The following ADCYAP1R1 variants were observed in gnomAD, a reference collection of about 807,000 sequenced individuals.
The protein encoded by ADCYAP1R1 is pituitary adenylate cyclase-activating polypeptide type I receptor.
ADCYAP1R1 carries 44 observed loss-of-function variants against 67.6 expected under a neutral mutation model. The observed-to-expected ratio is 0.65, with a 90% CI of 0.51 to 0.84. ADCYAP1R1 has a LOEUF of 0.84. Among genes scored for constraint, ADCYAP1R1 ranks in the 40% least tolerant of loss-of-function variants. The probability of loss-of-function intolerance (pLI) is 0.00; values close to 1 mark genes in which losing one functional copy is unlikely to be tolerated. For missense variants in ADCYAP1R1, 477 were observed against 587.9 expected, an observed-to-expected ratio of 0.81 and a Z score of 1.95; for synonymous variants, 222 against 219.6, an observed-to-expected ratio of 1.01 and a Z score of -0.10.
chr7:31,078,075 T>A lies in ADCYAP1R1; in HGVS notation c.242T>A (p.Phe81Tyr). 1.2e-6 allele frequency: 2 copies of A among 1,612,688 alleles called. No homozygotes were observed. Among genetic ancestry groups the A allele is most frequent in the Non-Finnish European group, 1.7e-6 (2 of 1,179,268 alleles). Residue 81 changes from phenylalanine to tyrosine, a missense_variant, in exon 4 of 16, where the codon TTC becomes TAC. Transcript: ENST00000304166. ...GTCCTGGTCAGCTGCCCTGAGCTCT[T>A]CCGAATCTTCAACCCAGACCAAGGT... ...EMVLVSCPEL[F>Y]RIFNPDQVWE...
At chr7:31,075,353 C>A (rs1288024487) in intron 3 of ADCYAP1R1, among the ~76,000 whole-genome samples, 1 of 152,178 alleles carries the variant, frequency 6.6e-6, no homozygotes, top group Non-Finnish European at 1.5e-5. Flanking sequence ...TGTCGGTCAC[C>A]TACTGTCCCT....
chr7:31,097,443 C>T (rs1195944219), intron 13 of ADCYAP1R1, among the ~76,000 whole-genome samples: 1 of 152,152 alleles, frequency 6.6e-6, no homozygotes, highest in Non-Finnish European at 1.5e-5. Context: ...TTTTCTTTTC[C>T]ATGAGTCCTT....
chr7:31,097,580 A>G (rs1470693753), intron 13 of ADCYAP1R1, among the ~76,000 whole-genome samples: 1 of 152,196 alleles, frequency 6.6e-6, no homozygotes, highest in East Asian at 1.9e-4. Flanking sequence ...CATCAGAGCC[A>G]CACAACTTTA....
At chr7:31,097,158 G>C (rs899970973) in intron 13 of ADCYAP1R1, among the ~76,000 whole-genome samples, 4 of 152,360 alleles carry the variant, frequency 2.6e-5, no homozygotes, top group African/African-American at 9.6e-5. Flanking sequence ...CTCTCTGAAA[G>C]GCAGACGTGG....
intron 13 of ADCYAP1R1, among the ~76,000 whole-genome samples, chr7:31,097,152 C>T (rs1430108475): frequency 6.6e-6 from 1 of 152,238 alleles, no homozygotes; most frequent in Non-Finnish European, 1.5e-5. Context: ...CCAAGGCTCT[C>T]TGAAAGGCAG....
rs1238419619 is a variant in ADCYAP1R1 at position 31,061,968 on chromosome 7, T to C, written c.-71-1226T>C. Among the ~76,000 whole-genome samples, 3 of 152,198 alleles carry C rather than the reference T, an allele frequency of 2.0e-5. No individual in the cohort carries two copies. In the East Asian group the frequency reaches 5.8e-4, roughly 29 times the overall value. On this transcript the variant is annotated intron_variant, in intron 1 of 15. Transcript: ENST00000304166. ...GCCTACTCAATCTCTTTTATAATAATTTAATAGTAATAATAATTTTTAAAT... is the reference window on the plus strand; with the variant it reads ...GCCTACTCAATCTCTTTTATAATAACTTAATAGTAATAATAATTTTTAAAT...
intron 13 of ADCYAP1R1, among the ~76,000 whole-genome samples, chr7:31,099,092 T>TG (rs2128638267): frequency 6.6e-6 from 1 of 152,314 alleles, no homozygotes; most frequent in African/African-American, 2.4e-5. Context: ...CACTGTGGGC[T>TG]GGAGACACAG....
chr7:31,094,357 C>T (rs1463428678), intron 13 of ADCYAP1R1, among the ~76,000 whole-genome samples: 2 of 152,006 alleles, frequency 1.3e-5, no homozygotes, highest in African/African-American at 4.8e-5. Context: ...CCCCGCTGCT[C>T]GCCTCATCTC....
rs1796676632 is a variant in ADCYAP1R1 at position 31,107,006 on chromosome 7, G to A, written c.*322G>A. The A allele has an allele frequency of 1.0e-5, 3 of 298,724 alleles. No homozygotes were observed. Among genetic ancestry groups the A allele is most frequent in the Non-Finnish European group, 1.2e-5 (2 of 162,964 alleles). The allele number at this position is 298,724 out of a possible 1,614,324, so 18.5% of individuals were successfully genotyped here. A position where few individuals can be genotyped will look rare whatever the true frequency, so the allele number is the denominator to read the frequency against. On this transcript the variant is annotated 3_prime_UTR_variant, in exon 16 of 16. Coordinates refer to ENST00000304166, the MANE Select transcript of ADCYAP1R1 (RefSeq NM_001118.5). ...AGTCAGGTCTCAGCTCCACCCCACTGTTTCTTGGTCAGCCTCAGTGATGGC... is the reference window on the plus strand; with the variant it reads ...AGTCAGGTCTCAGCTCCACCCCACTATTTCTTGGTCAGCCTCAGTGATGGC...
At position 31,107,483 on chromosome 7, in the gene ADCYAP1R1, C is replaced by T. The variant is rs1430403705; in HGVS notation, c.*799C>T. 2 of 152,206 alleles carry T rather than the reference C, an allele frequency of 1.3e-5. No individual in the cohort carries two copies. Among genetic ancestry groups the T allele is most frequent in the African/African-American group, 4.8e-5 (2 of 41,458 alleles). 9.4% of individuals were successfully genotyped at this position (152,206 alleles called of 1,614,324 possible). ...ACCCATGGAAGAAAACCTTCGCCAT[C>T]TCCATTGTTTTACCCCCAGCTCAAG... On this transcript the variant is annotated 3_prime_UTR_variant, in exon 16 of 16. Coordinates refer to ENST00000304166, the MANE Select transcript of ADCYAP1R1 (RefSeq NM_001118.5).
intron 5 of ADCYAP1R1, among the ~76,000 whole-genome samples, chr7:31,080,870 G>A (rs1279488829): frequency 6.6e-6 from 1 of 152,214 alleles, no homozygotes; most frequent in East Asian, 1.9e-4. Context: ...TCCCTCACAG[G>A]CTTGTTTGGG....
At chr7:31,059,689 G>A (rs1794407866) in intron 1 of ADCYAP1R1, among the ~76,000 whole-genome samples, 1 of 152,174 alleles carries the variant, frequency 6.6e-6, no homozygotes, top group South Asian at 2.1e-4. Flanking sequence ...ACACTGCAGA[G>A]AAGCACTTGG....
At chr7:31,078,138 C>T (rs758341880) in intron 4 of ADCYAP1R1, 40 bp downstream of exon 4, 1 of 1,505,826 alleles carries the variant, frequency 6.6e-7, no homozygotes. Flanking sequence ...GCTGGCCTAG[C>T]CTGCTCCCCA....
intron 1 of ADCYAP1R1, among the ~76,000 whole-genome samples, chr7:31,054,625 G>T (rs1195516663): frequency 6.6e-6 from 1 of 152,230 alleles, no homozygotes; most frequent in Non-Finnish European, 1.5e-5. Context: ...GCTTAAGCTG[G>T]AGTGTCCCAG....
intron 1 of ADCYAP1R1, among the ~76,000 whole-genome samples, chr7:31,053,012 G>A (rs1382026906): frequency 6.6e-6 from 1 of 152,230 alleles, no homozygotes; most frequent in Non-Finnish European, 1.5e-5. Context: ...TGCGGAGAAG[G>A]GAGACCAGGG....
At chr7:31,084,286 G>A (rs759050453) in intron 7 of ADCYAP1R1, 36 bp downstream of exon 7, 4 of 1,587,576 alleles carry the variant, frequency 2.5e-6, no homozygotes, top group Non-Finnish European at 3.5e-6. Context: ...GAGGTGGTGA[G>A]GGTAGGGCTG....
chr7:31,092,642 A>G lies in ADCYAP1R1; in HGVS notation c.955-2A>G. 1.3e-6 allele frequency: 2 copies of G among 1,566,280 alleles called. No homozygotes were observed. ...TCTGCTTTTTTTTTTTTTGCTCCTTAGGTTAACTTTGTGCTTTTTATTGGC... is the reference window on the plus strand; with the variant it reads ...TCTGCTTTTTTTTTTTTTGCTCCTTGGGTTAACTTTGTGCTTTTTATTGGC... On this transcript the variant is annotated splice_acceptor_variant, in intron 12 of 15. Coordinates refer to ENST00000304166, the MANE Select transcript of ADCYAP1R1 (RefSeq NM_001118.5). LOFTEE classifies it high-confidence loss of function.
At chr7:31,075,305 A>G (rs1795163673) in intron 3 of ADCYAP1R1, among the ~76,000 whole-genome samples, 1 of 151,884 alleles carries the variant, frequency 6.6e-6, no homozygotes, top group Admixed American at 6.6e-5. Flanking sequence ...GCACGTATGA[A>G]CTCATTAATC....
chr7:31,084,022 G>A, intron 6 of ADCYAP1R1, 119 bp from the exon 7 acceptor site: 1 of 766,962 alleles, frequency 1.3e-6, no homozygotes, highest in South Asian at 1.7e-5. Flanking sequence ...CTTTCCCCAT[G>A]CTTCCCAGTT....
Sources: gnomAD v4.1 joint callset for allele counts (sites outside exome capture counted in the v4.1 genomes callset) on GRCh38, gnomAD v4.1.1 for gene constraint, MANE v1.5 for transcripts, NCBI Gene and HGNC (gene_info 2026-07-23, HGNC 2026-07-21) for gene names.